CHORDC1: variants seen among roughly 807,000 people sequenced by gnomAD.
CHORDC1 encodes the protein cysteine and histidine-rich domain-containing protein 1.
CHORDC1 carries 25 observed loss-of-function variants against 48.3 expected under a neutral mutation model. That is an observed-to-expected ratio of 0.52 (90% CI 0.38 to 0.72). The LOEUF is 0.72. Among genes scored for constraint, CHORDC1 ranks in the 30% least tolerant of loss-of-function variants. The pLI is 0.00. For missense variants in CHORDC1, 317 were observed against 388.7 expected, an observed-to-expected ratio of 0.82 and a Z score of 1.55; for synonymous variants, 128 against 126.4, an observed-to-expected ratio of 1.01 and a Z score of -0.09.
intron 1 of CHORDC1, chr11:90,222,379 T>C (rs1858193412): frequency 3.1e-6 from 1 of 322,404 alleles, no homozygotes; most frequent in African/African-American, 2.3e-5. Context: ...TGTAAGAGGT[T>C]TGTAACAGCG....
At position 90,200,973 on chromosome 11, in the gene CHORDC1, A is replaced by G. The variant is rs1857531126; in HGVS notation, c.*1432T>C. ...CATGTGGGTCCAACTTTTACTGCCC[A>G]GAGTTTCTTGTCATGGTAATGTAAC... On this transcript the variant is annotated 3_prime_UTR_variant, in exon 11 of 11. Transcript: ENST00000320585. Among the ~76,000 whole-genome samples, 2 of 152,014 alleles carry G rather than the reference A, an allele frequency of 1.3e-5. No homozygotes were observed. The highest frequency in any genetic ancestry group is 2.1e-4 in the South Asian group (1 of 4,834).
intron 6 of CHORDC1, among the ~76,000 whole-genome samples, chr11:90,209,785 G>A (rs1214418324): frequency 1.3e-5 from 2 of 152,110 alleles, no homozygotes; most frequent in African/African-American, 2.4e-5. Context: ...TAGCATCCTA[G>A]CTGGTTTCTC....
In CHORDC1 at chr11:90,205,493, T is replaced by C. The variant is rs757257469; in HGVS notation, c.636A>G (p.Thr212=). ...TTTTAGTCCACATGTGTTTCCCTTTTGTACAGCCCTCTTGGGCTAAGAATG... is the reference window on the plus strand; with the variant it reads ...TTTTAGTCCACATGTGTTTCCCTTTCGTACAGCCCTCTTGGGCTAAGAATG... ...FNTFLAQEGC[T]KGKHMWTKKD... Residue 212 remains threonine, a synonymous_variant, in exon 8 of 11, where the codon ACA becomes ACG. Coordinates refer to ENST00000320585, the MANE Select transcript of CHORDC1 (RefSeq NM_012124.3). 1.9e-5 allele frequency: 30 copies of C among 1,608,008 alleles called. No individual in the cohort carries two copies. The South Asian group carries it at 3.3e-4, about 17-fold the overall frequency.
rs147053270 is a variant in CHORDC1, at chr11:90,222,899, T to C, written c.56A>G (p.Asn19Ser). The stretch of plus-strand genomic sequence containing the variant: ...CGGCGCGTTCCTCTTACCGTCGGAA[T>C]TGGTCTCAGGATCGAAGCGCTGACC... ...GCGQRFDPET[N>S]SDDACTYHPG... Residue 19 changes from asparagine to serine, a missense_variant, in exon 1 of 11, where the codon AAT becomes AGT. Physicochemically the swap from Asn to Ser is conservative, Grantham distance 46 (BLOSUM62 1). Coordinates refer to ENST00000320585, the MANE Select transcript of CHORDC1 (RefSeq NM_012124.3). 2.3e-4 allele frequency: 366 copies of C among 1,613,872 alleles called. 1 individual carries two copies. The highest frequency in any genetic ancestry group is 8.7e-5 in the Non-Finnish European group (103 of 1,179,908).
intron 3 of CHORDC1, among the ~76,000 whole-genome samples, chr11:90,214,795 C>G (rs1331476707): frequency 2.6e-5 from 4 of 151,928 alleles, no homozygotes; most frequent in Admixed American, 1.3e-4. Context: ...CTTTAGTTTT[C>G]TTAGTGGTAT....
At chr11:90,216,529 T>G (rs1858016000) in intron 2 of CHORDC1, 1 of 443,262 alleles carries the variant, frequency 2.3e-6, no homozygotes, top group Non-Finnish European at 4.5e-6. Flanking sequence ...GACTGTGAAA[T>G]CCAATAATCT....
intron 4 of CHORDC1, chr11:90,212,184 G>A (rs1324784166): frequency 2.0e-5 from 3 of 152,256 alleles, no homozygotes; most frequent in African/African-American, 4.8e-5. Flanking sequence ...TTGAATTCTA[G>A]CTCCCCTAAT....
At chr11:90,206,378 A>C in intron 6 of CHORDC1, 106 bp from the exon 7 acceptor site, 1 of 665,964 alleles carries the variant, frequency 1.5e-6, no homozygotes. Flanking sequence ...AAATACTTAA[A>C]TGACAATTAC....
chr11:90,204,806 T>TAA (rs1250836409), intron 8 of CHORDC1, among the ~76,000 whole-genome samples: 1 of 152,086 alleles, frequency 6.6e-6, no homozygotes, highest in Non-Finnish European at 1.5e-5. Context: ...TAAAATACAT[T>TAA]AACAATAGCT....
intron 1 of CHORDC1, among the ~76,000 whole-genome samples, chr11:90,221,608 T>C (rs925161721): frequency 2.0e-5 from 3 of 152,236 alleles, no homozygotes; most frequent in Non-Finnish European, 2.9e-5. Flanking sequence ...CAATTAATGT[T>C]TTACATAGGC....
chr11:90,219,969 G>T (rs972497591), intron 1 of CHORDC1, among the ~76,000 whole-genome samples: 19 of 152,208 alleles, frequency 1.2e-4, no homozygotes, highest in Admixed American at 1.2e-3. Flanking sequence ...TGTCCAACAT[G>T]CCGCCCCAGA....
Position 90,202,950 on chromosome 11 carries a change from TAA to T in CHORDC1, c.790-77_790-76del, listed in dbSNP as rs963977184. 48 of 1,459,282 alleles carry T rather than the reference TAA, an allele frequency of 3.3e-5. No homozygotes were observed. In the African/African-American group the frequency reaches 6.6e-4, roughly 20 times the overall value. The allele number at this position is 1,459,282 out of a possible 1,614,324, so 90.4% of individuals were successfully genotyped here. ...TGCTATCAAACACTGATTATAAAAA[TAA>T]GACTGACAAAAATGAATTAAGCTAT... On this transcript the variant is annotated intron_variant, in intron 9 of 10. Coordinates refer to ENST00000320585, the MANE Select transcript of CHORDC1 (RefSeq NM_012124.3).
In CHORDC1 at chr11:90,216,097, T is replaced by C. The variant is rs574631919; in HGVS notation, c.115-867A>G. ...TTTAATTTGAAATTTAATTATCTTT[T>C]ACTCCGAATTGAGATGTAGATCAAT... On this transcript the variant is annotated intron_variant, in intron 2 of 10. Transcript: ENST00000320585. Among the ~76,000 whole-genome samples, 3 of 152,264 alleles carry C rather than the reference T, an allele frequency of 2.0e-5. No homozygotes were observed. In the South Asian group the frequency reaches 6.2e-4, roughly 32 times the overall value.
intron 2 of CHORDC1, among the ~76,000 whole-genome samples, chr11:90,216,142 G>C (rs910897341): frequency 6.6e-6 from 1 of 151,904 alleles, no homozygotes; most frequent in Non-Finnish European, 1.5e-5. Context: ...CTTAAATATA[G>C]GGTTTAAATA....
At chr11:90,204,931 G>C (rs1000457412) in intron 8 of CHORDC1, among the ~76,000 whole-genome samples, 7 of 151,966 alleles carry the variant, frequency 4.6e-5, no homozygotes, top group African/African-American at 1.7e-4. Context: ...CAGGGAAGTA[G>C]GAAATGATGC....
At chr11:90,217,893 C>CT in intron 2 of CHORDC1, 13 of 162,738 alleles carry the variant, frequency 8.0e-5, no homozygotes, top group East Asian at 2.4e-4. Context: ...GAAACTCCAT[C>CT]TCAAAAAAAA....
intron 8 of CHORDC1, among the ~76,000 whole-genome samples, chr11:90,205,185 A>G (rs964743065): frequency 6.6e-5 from 10 of 152,198 alleles, no homozygotes; most frequent in African/African-American, 2.4e-4. Flanking sequence ...TAATTTTATT[A>G]ATTAAAGAAG....
rs192320274 is a variant in CHORDC1 at position 90,201,314 on chromosome 11, A to G, written c.*1091T>C. On this transcript the variant is annotated 3_prime_UTR_variant, in exon 11 of 11. Coordinates refer to ENST00000320585, the MANE Select transcript of CHORDC1 (RefSeq NM_012124.3). ...GAATATTTCCTAATTTTTCTTCTTG[A>G]GTTCTGCACTAACTCAAAACCTATC... The G allele has an allele frequency of 8.6e-5, 13 of 151,972 alleles. No individual in the cohort carries two copies. The East Asian group carries it at 1.9e-3, about 23-fold the overall frequency. 9.4% of individuals were successfully genotyped at this position (151,972 alleles called of 1,614,324 possible).
intron 5 of CHORDC1, chr11:90,210,939 T>C (rs1470316194): frequency 6.6e-6 from 2 of 304,016 alleles, no homozygotes; most frequent in African/African-American, 4.4e-5. Context: ...CATTTTAAAA[T>C]ATCAAAGAAA....
Sources: allele counts gnomAD v4.1 joint callset (sites outside exome capture counted in the v4.1 genomes callset), GRCh38; gene constraint gnomAD v4.1.1; transcripts MANE v1.5; gene names NCBI Gene and HGNC (gene_info 2026-07-23, HGNC 2026-07-21).